Variants in NAV3 observed in about 807,000 individuals in gnomAD.
NAV3 encodes pore membrane and/or filament interacting like protein 1.
NAV3 carries 87 observed loss-of-function variants against 244.7 expected under a neutral mutation model. The observed-to-expected ratio is 0.36, with a 90% CI of 0.30 to 0.42. The LOEUF (loss-of-function observed/expected upper bound fraction) is 0.42. Ranked by LOEUF, NAV3 falls within the 20% of genes least tolerant of loss-of-function variation. The pLI, the probability that NAV3 is intolerant of heterozygous loss-of-function variation, is 1.00. For missense variants in NAV3, 2,663 were observed against 2,893.3 expected (o/e 0.92, Z 1.83); for synonymous variants, 1,126 against 1,042.2 (o/e 1.08, Z -1.55).
chr12:77,989,647 G>A (rs1328079318), intron 5 of NAV3, among the ~76,000 whole-genome samples: 1 of 152,016 alleles, frequency 6.6e-6, no homozygotes, highest in Non-Finnish European at 1.5e-5. Context: ...AAAAATAAAG[G>A]ACAAAAATCA....
intron 2 of NAV3, among the ~76,000 whole-genome samples, chr12:77,660,412 G>A (rs1157522490): frequency 6.6e-6 from 1 of 152,130 alleles, no homozygotes; most frequent in African/African-American, 2.4e-5. Context: ...GAAATCGGGA[G>A]ATTCACTTTT....
At chr12:77,766,734 A>ATTTTTTTTTTTTT (rs1565805085) in intron 2 of NAV3, among the ~76,000 whole-genome samples, 3 of 53,430 alleles carry the variant, frequency 5.6e-5, no homozygotes, top group African/African-American at 1.5e-4. Context: ...CAGGCAATTA[A>ATTTTTTTTTTTTT]GTTTTTTTTT....
chr12:77,671,297 C>A (rs1081433), intron 2 of NAV3, among the ~76,000 whole-genome samples: 35,132 of 151,698 alleles, frequency 0.23, 6,019 homozygotes, highest in African/African-American at 0.48. Context: ...GCTGGAAGAA[C>A]TCATAGATGA....
At chr12:77,874,282 A>G (rs1881518829) in intron 1 of NAV3, among the ~76,000 whole-genome samples, 1 of 152,050 alleles carries the variant, frequency 6.6e-6, no homozygotes, top group Non-Finnish European at 1.5e-5. Context: ...GCAGTGCTGC[A>G]ATCACGGATC....
chr12:78,118,001 T>G, intron 13 of NAV3, 26 bp from the exon 14 acceptor site: 1 of 1,524,716 alleles, frequency 6.6e-7, no homozygotes, highest in Non-Finnish European at 8.8e-7. Context: ...CTACATAAAG[T>G]TTTTCTGTAA....
chr12:77,708,535 A>T (rs1875945979), intron 2 of NAV3, among the ~76,000 whole-genome samples: 2 of 152,186 alleles, frequency 1.3e-5, no homozygotes, highest in African/African-American at 4.8e-5. Context: ...TGTCTTGGCA[A>T]TGTGGGCTCT....
chr12:77,729,372 G>A (rs1877023717), intron 2 of NAV3, among the ~76,000 whole-genome samples: 1 of 151,882 alleles, frequency 6.6e-6, no homozygotes, highest in South Asian at 2.1e-4. Flanking sequence ...TTTCATACTT[G>A]AAGAGTGAAG....
At chr12:77,945,601 T>A (rs1455634573) in intron 3 of NAV3, among the ~76,000 whole-genome samples, 1 of 152,158 alleles carries the variant, frequency 6.6e-6, no homozygotes, top group East Asian at 1.9e-4. Context: ...ACATCAAATA[T>A]ACTAAATAAT....
intron 3 of NAV3, among the ~76,000 whole-genome samples, chr12:77,946,879 G>C (rs1430479657): frequency 4.6e-5 from 7 of 152,034 alleles, no homozygotes; most frequent in Non-Finnish European, 7.4e-5. Context: ...TATATTTAAG[G>C]ATCTTCAAAA....
chr12:78,208,859 A>G (rs2140123983), intron 39 of NAV3, among the ~76,000 whole-genome samples: 1 of 152,192 alleles, frequency 6.6e-6, no homozygotes, highest in East Asian at 1.9e-4. Flanking sequence ...GATCAGTTTC[A>G]CCCAAATGCT....
At chr12:77,976,662 C>CTTTTTTTTTTTTTTTT (rs869100684) in intron 5 of NAV3, among the ~76,000 whole-genome samples, 10 of 77,398 alleles carry the variant, frequency 1.3e-4, no homozygotes, top group Admixed American at 1.6e-4. Flanking sequence ...TTCTTTCTTT[C>CTTTTTTTTTTTTTTTT]TTTCTTTTTT....
intron 2 of NAV3, among the ~76,000 whole-genome samples, chr12:77,741,296 T>C (rs1344179003): frequency 6.6e-6 from 1 of 152,104 alleles, no homozygotes; most frequent in Non-Finnish European, 1.5e-5. Context: ...AAAAAACTTA[T>C]TCTCATCAAT....
At chr12:77,774,624 A>G (rs929995746) in intron 2 of NAV3, among the ~76,000 whole-genome samples, 3 of 152,182 alleles carry the variant, frequency 2.0e-5, no homozygotes, top group Non-Finnish European at 4.4e-5. Context: ...GGCCTGTGGC[A>G]TACTGGAGAG....
intron 12 of NAV3, among the ~76,000 whole-genome samples, chr12:78,092,491 C>CTTTTTTTTTTTTTTT (rs71088358): frequency 4.7e-5 from 3 of 64,008 alleles, no homozygotes; most frequent in Non-Finnish European, 9.2e-5. Flanking sequence ...TAGTTATTTT[C>CTTTTTTTTTTTTTTT]TTTTTTTTTT....
rs1371983801 is a variant in NAV3, at chr12:78,140,288, G to A, written c.4637G>A (p.Gly1546Asp). 1.9e-6 allele frequency: 3 copies of A among 1,612,966 alleles called. No homozygotes were observed. Among genetic ancestry groups the A allele is most frequent in the South Asian group, 2.2e-5 (2 of 91,060 alleles). ...SFRDSMEEVH[G>D]SSLSLVSSTS... Reference sequence around the variant, plus strand: ...TTCTGTTTGTTTTCTCCAGTTCATGGCTCTTCATTATCACTGGTGTCCAGC... The same window carrying A: ...TTCTGTTTGTTTTCTCCAGTTCATGACTCTTCATTATCACTGGTGTCCAGC... Residue 1546 changes from glycine to aspartate, a missense_variant, in exon 20 of 40, where the codon GGC becomes GAC. Physicochemically the swap from Gly to Asp is moderately conservative, Grantham distance 94. Around this residue, in one of 6 missense-constraint regions of NAV3, gnomAD observed 354 missense variants for 413.0 expected, o/e 0.86. Transcript: ENST00000397909.
intron 2 of NAV3, among the ~76,000 whole-genome samples, chr12:77,609,978 G>C (rs1870840893): frequency 6.6e-6 from 1 of 151,936 alleles, no homozygotes; most frequent in Admixed American, 6.6e-5. Flanking sequence ...CATTGGGGAA[G>C]TTCAATATAC....
intron 2 of NAV3, among the ~76,000 whole-genome samples, chr12:77,697,486 G>A (rs141412488): frequency 1.3e-5 from 2 of 152,162 alleles, no homozygotes; most frequent in African/African-American, 4.8e-5. Flanking sequence ...AAATGAGTAT[G>A]TTAATGCGCT....
intron 8 of NAV3, among the ~76,000 whole-genome samples, chr12:78,019,427 C>T (rs563173203): frequency 1.0e-3 from 155 of 152,158 alleles, no homozygotes; most frequent in Non-Finnish European, 2.0e-3. Flanking sequence ...TGGAGAATAG[C>T]GTCTAGTCTG....
At chr12:77,864,014 T>C (rs186276776) in intron 1 of NAV3, among the ~76,000 whole-genome samples, 1 of 151,992 alleles carries the variant, frequency 6.6e-6, no homozygotes, top group East Asian at 1.9e-4. Context: ...ATACAACTTT[T>C]ATGGCAGAGA....
Sources: gnomAD v4.1 joint callset for allele counts (sites outside exome capture counted in the v4.1 genomes callset) on GRCh38, gnomAD v4.1.1 for gene constraint, gnomAD v4.1.1 regional missense constraint, MANE v1.5 for transcripts, NCBI Gene and HGNC (gene_info 2026-07-23, HGNC 2026-07-21) for gene names.